Variants in NEK10 observed in about 807,000 individuals in gnomAD.
The protein encoded by NEK10 is serine/threonine-protein kinase Nek10.
A neutral mutation model predicts 159.8 loss-of-function variants in NEK10; 122 were observed. The ratio of observed to expected loss-of-function variants is 0.76; its 90% CI spans 0.66 to 0.89. NEK10 has a LOEUF of 0.89. Ranked by LOEUF, NEK10 falls within the 40% of genes least tolerant of loss-of-function variation. The probability of loss-of-function intolerance (pLI) is 0.00; values close to 1 mark genes in which losing one functional copy is unlikely to be tolerated. For missense variants in NEK10, 1,342 were observed against 1,323.1 expected (o/e 1.01, Z -0.22); for synonymous variants, 466 against 457.1 (o/e 1.02, Z -0.25).
intron 4 of NEK10, among the ~76,000 whole-genome samples, chr3:27,345,023 T>C (rs1351963924): frequency 6.6e-6 from 1 of 152,182 alleles, no homozygotes; most frequent in Admixed American, 6.6e-5. Flanking sequence ...AAACATTCTA[T>C]TTTAAAACTA....
chr3:27,166,446 G>A (rs992578660), intron 29 of NEK10, among the ~76,000 whole-genome samples: 9 of 152,148 alleles, frequency 5.9e-5, no homozygotes, highest in African/African-American at 2.2e-4. Context: ...GATGGGCCAG[G>A]TTGATTCTAG....
intron 26 of NEK10, among the ~76,000 whole-genome samples, chr3:27,182,864 G>A (rs1365183108): frequency 1.3e-5 from 2 of 151,954 alleles, no homozygotes; most frequent in Non-Finnish European, 2.9e-5. Context: ...TTATACGTGG[G>A]AGCTAAAAAG....
At chr3:27,124,808 A>G (rs1941753096) in intron 32 of NEK10, among the ~76,000 whole-genome samples, 1 of 152,226 alleles carries the variant, frequency 6.6e-6, no homozygotes, top group Non-Finnish European at 1.5e-5. Flanking sequence ...ATGTTCACCC[A>G]GCAGGTGGAA....
intron 22 of NEK10, among the ~76,000 whole-genome samples, chr3:27,284,034 T>C (rs891964544): frequency 3.3e-5 from 5 of 152,214 alleles, no homozygotes; most frequent in African/African-American, 1.2e-4. Context: ...TTTAGAACTA[T>C]ACTAGTCACT....
chr3:27,266,096 C>A (rs923275600), intron 22 of NEK10, among the ~76,000 whole-genome samples: 1 of 152,124 alleles, frequency 6.6e-6, no homozygotes, highest in East Asian at 1.9e-4. Flanking sequence ...TGAGCCACTG[C>A]GCCCGGCCTA....
chr3:27,287,835 T>C, intron 19 of NEK10, 92 bp from the exon 20 acceptor site: 3 of 1,234,796 alleles, frequency 2.4e-6, no homozygotes, highest in Middle Eastern at 2.0e-4. Context: ...ATTTGAAAAC[T>C]ACAAAGAAAT....
chr3:27,187,337 A>G (rs1447761218), intron 26 of NEK10, among the ~76,000 whole-genome samples: 1 of 152,174 alleles, frequency 6.6e-6, no homozygotes, highest in Admixed American at 6.5e-5. Flanking sequence ...TTTAGACCAA[A>G]AGAGAACGAC....
chr3:27,272,523 C>T (rs1187690330), intron 22 of NEK10, among the ~76,000 whole-genome samples: 1 of 152,164 alleles, frequency 6.6e-6, no homozygotes, highest in African/African-American at 2.4e-5. Context: ...CCTTTTAATC[C>T]ATCCTACAGG....
At position 27,352,464 on chromosome 3, in the gene NEK10, C is replaced by A; in HGVS notation, c.132+1G>T. The A allele has an allele frequency of 6.2e-7, 1 of 1,604,604 alleles. No individual in the cohort carries two copies. The highest frequency in any genetic ancestry group is 8.5e-7 in the Non-Finnish European group (1 of 1,171,546). On this transcript the variant is annotated splice_donor_variant, in intron 3 of 35. Transcript: ENST00000691995. LOFTEE classifies it high-confidence loss of function. ...AAGTGAACATTCTTTGAAAACGCTACCTGTTGTTTGCTTGATTGGACGTTC... is the reference window on the plus strand; with the variant it reads ...AAGTGAACATTCTTTGAAAACGCTAACTGTTGTTTGCTTGATTGGACGTTC...
chr3:27,287,788 T>C (rs760799648), intron 19 of NEK10, 45 bp from the exon 20 acceptor site: 2 of 1,479,276 alleles, frequency 1.4e-6, no homozygotes, highest in East Asian at 2.7e-5. Context: ...TGCTTCAAAA[T>C]ACAAGTTTTT....
chr3:27,196,468 T>C (rs1364128320), intron 25 of NEK10, among the ~76,000 whole-genome samples: 2 of 152,058 alleles, frequency 1.3e-5, no homozygotes, highest in Admixed American at 6.5e-5. Context: ...TACCCACACA[T>C]CATAGATGAG....
intron 23 of NEK10, among the ~76,000 whole-genome samples, chr3:27,226,155 C>T (rs924620090): frequency 9.2e-5 from 14 of 151,462 alleles, no homozygotes; most frequent in African/African-American, 2.4e-4. Flanking sequence ...CCTCAGCCTC[C>T]GGAGTAGCTA....
At chr3:27,221,782 C>T (rs578184237) in intron 23 of NEK10, among the ~76,000 whole-genome samples, 16 of 152,258 alleles carry the variant, frequency 1.1e-4, no homozygotes, top group African/African-American at 3.8e-4. Context: ...CCCCACTAGC[C>T]CTGCTCATAG....
intron 6 of NEK10, among the ~76,000 whole-genome samples, chr3:27,315,479 T>C (rs1360789750): frequency 1.3e-5 from 2 of 152,228 alleles, no homozygotes; most frequent in African/African-American, 2.4e-5. Flanking sequence ...CCTACTAATT[T>C]GAAGCCTCAT....
At chr3:27,340,647 C>G (rs1339107530) in intron 5 of NEK10, among the ~76,000 whole-genome samples, 1 of 152,080 alleles carries the variant, frequency 6.6e-6, no homozygotes, top group East Asian at 1.9e-4. Flanking sequence ...CAAATCAAAA[C>G]TACAGTGAGA....
At chr3:27,306,378 T>A (rs2044246305) in intron 11 of NEK10, among the ~76,000 whole-genome samples, 1 of 152,190 alleles carries the variant, frequency 6.6e-6, no homozygotes, top group South Asian at 2.1e-4. Flanking sequence ...TGATTACCTA[T>A]GGCTCCTCTC....
chr3:27,339,104 G>A (rs1221807517), intron 5 of NEK10, among the ~76,000 whole-genome samples: 1 of 152,100 alleles, frequency 6.6e-6, no homozygotes, highest in East Asian at 1.9e-4. Flanking sequence ...CAAAAAATAA[G>A]CAAATTATAC....
At chr3:27,290,421 T>A (rs1419156931) in intron 19 of NEK10, among the ~76,000 whole-genome samples, 196 bp downstream of exon 19, 1 of 152,196 alleles carries the variant, frequency 6.6e-6, no homozygotes, top group African/African-American at 2.4e-5. Flanking sequence ...ATGACCCTGA[T>A]ATAAACTCCA....
chr3:27,164,898 C>A (rs1486732575), intron 29 of NEK10, among the ~76,000 whole-genome samples: 1 of 152,158 alleles, frequency 6.6e-6, no homozygotes, highest in African/African-American at 2.4e-5. Context: ...AAGAATCTAA[C>A]GTTTCAAACA....
Sources: gnomAD v4.1 joint callset for allele counts (sites outside exome capture counted in the v4.1 genomes callset) on GRCh38, gnomAD v4.1.1 for gene constraint, MANE v1.5 for transcripts, NCBI Gene and HGNC (gene_info 2026-07-23, HGNC 2026-07-21) for gene names.